The following ZDHHC4 variants were observed in gnomAD, a reference collection of about 807,000 sequenced individuals.
The protein encoded by ZDHHC4 is palmitoyltransferase ZDHHC4.
A neutral mutation model predicts 36.7 loss-of-function variants in ZDHHC4; 42 were observed. The observed-to-expected ratio is 1.14, with a 90% CI of 0.89 to 1.48. ZDHHC4 has a LOEUF of 1.48. ZDHHC4 is among the 40% of genes most tolerant of loss of function. The pLI is 0.00. For synonymous variants in ZDHHC4, 189 were observed against 166.6 expected, an observed-to-expected ratio of 1.13 and a Z score of -1.03; for missense variants, 457 against 421.5, an observed-to-expected ratio of 1.08 and a Z score of -0.74.
In ZDHHC4 at chr7:6,589,186, G is replaced by T; in HGVS notation, c.*276G>T. The T allele has an allele frequency of 2.3e-6, 1 of 431,054 alleles. No homozygotes were observed. The allele number at this position is 431,054 out of a possible 1,614,324, so 26.7% of individuals were successfully genotyped here. On this transcript the variant is annotated 3_prime_UTR_variant, in exon 8 of 8. Coordinates refer to ENST00000335965, the MANE Select transcript of ZDHHC4 (RefSeq NM_001134389.2). ...TGAGACCTTGGTGTCTCTAAACTCT[G>T]GGCATGTGGACAGGAGGGGCTTGCG...
At chr7:6,586,224 G>T (rs1385247824) in intron 7 of ZDHHC4, among the ~76,000 whole-genome samples, 1 of 151,768 alleles carries the variant, frequency 6.6e-6, no homozygotes, top group East Asian at 1.9e-4. Flanking sequence ...AGTGGTATAA[G>T]TATATTCACA....
In ZDHHC4 at chr7:6,582,229, C is replaced by G. The variant is rs954158780; in HGVS notation, c.348C>G (p.Thr116=). 1.2e-6 allele frequency: 2 copies of G among 1,613,796 alleles called. No individual in the cohort carries two copies. Among genetic ancestry groups the G allele is most frequent in the African/African-American group, 1.3e-5 (1 of 74,882 alleles). ...LLLGVNLFFF[T]LTCGTNPGII... is the part of the protein sequence containing the mutation. ...TAGGTGTAAACCTGTTTTTTTTCACCCTGACTTGTGGAACCAATCCTGGTA... is the reference window on the plus strand; with the variant it reads ...TAGGTGTAAACCTGTTTTTTTTCACGCTGACTTGTGGAACCAATCCTGGTA... The change falls in exon 5 of 8, where the codon ACC becomes ACG. Residue 116 remains threonine (T), a synonymous_variant. Transcript: ENST00000335965.
In ZDHHC4 at chr7:6,588,994, T is replaced by G; in HGVS notation, c.*84T>G. On this transcript the variant is annotated 3_prime_UTR_variant, in exon 8 of 8. Coordinates refer to ENST00000335965, the MANE Select transcript of ZDHHC4 (RefSeq NM_001134389.2). Reference sequence around the variant, plus strand: ...TTTTCCAAGCATGGCTTGTTTGTTTTGATTTCTGCTGTGCTTATAAATCAC... The same window carrying G: ...TTTTCCAAGCATGGCTTGTTTGTTTGGATTTCTGCTGTGCTTATAAATCAC... The G allele has an allele frequency of 6.7e-7, 1 of 1,503,652 alleles. No homozygotes were observed. The highest frequency in any genetic ancestry group is 9.0e-7 in the Non-Finnish European group (1 of 1,108,206). The allele number at this position is 1,503,652 out of a possible 1,614,324, so 93.1% of individuals were successfully genotyped here.
chr7:6,586,810 C>T lies in ZDHHC4; in HGVS notation c.741+1550C>T, dbSNP rs12538639. ...TCTTTTTTATGGCTGAATAGTATTC[C>T]GCTGTATGGATAGACTGAATTTTAA... On this transcript the variant is annotated intron_variant, in intron 7 of 7. Coordinates refer to ENST00000335965, the MANE Select transcript of ZDHHC4 (RefSeq NM_001134389.2). 3.1e-3 allele frequency among the ~76,000 whole-genome samples: 467 copies of T among 151,936 alleles called. 6 individuals carry two copies. The South Asian group carries it at 0.037, about 12-fold the overall frequency.
intron 3 of ZDHHC4, chr7:6,580,963 C>A: frequency 2.5e-6 from 1 of 395,560 alleles, no homozygotes; most frequent in Non-Finnish European, 4.6e-6. Flanking sequence ...GGATTTAGTT[C>A]GTTGATGGCA....
Position 6,580,642 on chromosome 7 carries a change from C to G in ZDHHC4, c.81C>G (p.Thr27=), listed in dbSNP as rs1294654317. Residue 27 remains threonine, a synonymous_variant, in exon 3 of 8, where the codon ACC becomes ACG. Coordinates refer to ENST00000335965, the MANE Select transcript of ZDHHC4 (RefSeq NM_001134389.2). ...GLVLICVCSK[T]HSLKGLARGG... is the part of the protein sequence containing the mutation. Reference sequence around the variant, plus strand: ...TTCTTATCTGCGTCTGCTCGAAAACCCATAGCTTGAAAGGCCTGGCCAGGG... The same window carrying G: ...TTCTTATCTGCGTCTGCTCGAAAACGCATAGCTTGAAAGGCCTGGCCAGGG... The G allele has an allele frequency of 6.2e-7, 1 of 1,614,076 alleles. No homozygotes were observed. The highest frequency in any genetic ancestry group is 1.1e-5 in the South Asian group (1 of 91,078).
chr7:6,583,777 C>G, intron 6 of ZDHHC4: 1 of 180,500 alleles, frequency 5.5e-6, no homozygotes, highest in Non-Finnish European at 1.1e-5. Context: ...CCCGTGCTGT[C>G]TAACAAAAAT....
At chr7:6,581,992 G>A (rs1780883229) in intron 4 of ZDHHC4, 81 bp from the exon 5 acceptor site, 1 of 1,393,774 alleles carries the variant, frequency 7.2e-7, no homozygotes, top group Non-Finnish European at 9.8e-7. Flanking sequence ...GAAGTGGTTG[G>A]CCGTTGGTTA....
chr7:6,581,522 C>T, intron 3 of ZDHHC4, 85 bp from the exon 4 acceptor site: 2 of 1,008,940 alleles, frequency 2.0e-6, no homozygotes, highest in Non-Finnish European at 3.1e-6. Flanking sequence ...ACCCAGATTG[C>T]CAGCTGTATG....
intron 7 of ZDHHC4, among the ~76,000 whole-genome samples, chr7:6,588,384 C>T (rs1253313681): frequency 6.6e-6 from 1 of 152,188 alleles, no homozygotes; most frequent in Non-Finnish European, 1.5e-5. Flanking sequence ...TAAACTTTCC[C>T]TTTTCCTTCA....
chr7:6,585,355 G>A lies in ZDHHC4; in HGVS notation c.741+95G>A, dbSNP rs1225170045. On this transcript the variant is annotated intron_variant, in intron 7 of 7. Transcript: ENST00000335965. ...AGCATGAAGTTAGGTGGGGTGTGGT[G>A]GCTCACGCCTATAATCCCAGCACTT... is the stretch of plus-strand genomic sequence containing the variant. The A allele has an allele frequency of 2.7e-6, 4 of 1,507,010 alleles. No homozygotes were observed. In the Admixed American group the frequency reaches 5.9e-5, roughly 22 times the overall value. The allele number at this position is 1,507,010 out of a possible 1,614,324, so 93.4% of individuals were successfully genotyped here. A position where few individuals can be genotyped will look rare whatever the true frequency, so the allele number is the denominator to read the frequency against.
At position 6,588,976 on chromosome 7, in the gene ZDHHC4, A is replaced by T. The variant is rs1191610109; in HGVS notation, c.*66A>T. The T allele has an allele frequency of 5.2e-6, 8 of 1,542,236 alleles. No homozygotes were observed. The highest frequency in any genetic ancestry group is 1.4e-5 in the African/African-American group (1 of 72,952). ...TACACATGTGGATCCTCGTTTTCCA[A>T]GCATGGCTTGTTTGTTTTGATTTCT... On this transcript the variant is annotated 3_prime_UTR_variant, in exon 8 of 8. Transcript: ENST00000335965.
intron 3 of ZDHHC4, 91 bp from the exon 4 acceptor site, chr7:6,581,516 A>G: frequency 1.1e-6 from 1 of 946,234 alleles, no homozygotes; most frequent in Non-Finnish European, 1.7e-6. Flanking sequence ...ACTATCACCC[A>G]GATTGCCAGC....
Position 6,581,626 on chromosome 7 carries a change from C to T in ZDHHC4, c.137C>T (p.Pro46Leu), listed in dbSNP as rs750011746. ...TTTCAGATATTTTCCTGTATAATTC[C>T]AGAATGTCTTCAGAGAGCCGTGCAT... The part of the protein sequence containing the change: ...GGAQIFSCII[P>L]ECLQRAVHGL... Residue 46 changes from proline (P) to leucine (L), a missense_variant, in exon 4 of 8, where the codon CCA (proline) becomes CTA (leucine). By Grantham distance (98) the Pro-to-Leu change is moderately conservative. Transcript: ENST00000335965. 1 of 1,611,344 alleles carries T rather than the reference C, an allele frequency of 6.2e-7. No homozygotes were observed. The highest frequency in any genetic ancestry group is 1.1e-5 in the South Asian group (1 of 90,874).
intron 6 of ZDHHC4, chr7:6,584,381 A>AG (rs906881251): frequency 6.6e-6 from 1 of 152,318 alleles, no homozygotes; most frequent in Non-Finnish European, 1.5e-5. Flanking sequence ...TATTCTTAAA[A>AG]GTTTTCCAAT....
chr7:6,589,197 C>A lies in ZDHHC4; in HGVS notation c.*287C>A. 1 of 409,316 alleles carries A rather than the reference C, an allele frequency of 2.4e-6. No individual in the cohort carries two copies. The highest frequency in any genetic ancestry group is 4.8e-5 in the East Asian group (1 of 20,754). 25.4% of individuals were successfully genotyped at this position (409,316 alleles called of 1,614,324 possible). A position where few individuals can be genotyped will look rare whatever the true frequency, so the allele number is the denominator to read the frequency against. On this transcript the variant is annotated 3_prime_UTR_variant, in exon 8 of 8. Coordinates refer to ENST00000335965, the MANE Select transcript of ZDHHC4 (RefSeq NM_001134389.2). The stretch of plus-strand genomic sequence containing the variant: ...TGTCTCTAAACTCTGGGCATGTGGA[C>A]AGGAGGGGCTTGCGGCCGTGTCTCT...
In ZDHHC4 at chr7:6,577,502, A is replaced by G. The variant is rs936477229; in HGVS notation, c.-163+4A>G. On this transcript the variant is annotated splice_donor_region_variant and intron_variant, in intron 1 of 7. Coordinates refer to ENST00000335965, the MANE Select transcript of ZDHHC4 (RefSeq NM_001134389.2). ...CGCCGGAGCCCAGCGGCTGGCGGTA[A>G]GGCCGCCTCCGCGGGGCTGTGGGAA... 6.6e-6 allele frequency: 1 copy of G among 152,226 alleles called. No homozygotes were observed. Among genetic ancestry groups the G allele is most frequent in the Non-Finnish European group, 1.5e-5 (1 of 68,050 alleles). 9.4% of individuals were successfully genotyped at this position (152,226 alleles called of 1,614,324 possible). A position where few individuals can be genotyped will look rare whatever the true frequency, so the allele number is the denominator to read the frequency against.
At chr7:6,582,326 G>C in intron 5 of ZDHHC4, 75 bp downstream of exon 5, 1 of 1,345,776 alleles carries the variant, frequency 7.4e-7, no homozygotes, top group Admixed American at 2.1e-5. Context: ...ACAAGGAGAG[G>C]CCCCCCCTGA....
intron 3 of ZDHHC4, 30 bp from the exon 4 acceptor site, chr7:6,581,577 A>G: frequency 6.4e-7 from 1 of 1,552,636 alleles, no homozygotes; most frequent in Non-Finnish European, 8.9e-7. Flanking sequence ...GAGAAATGAA[A>G]TTGAGTCTTT....
Sources: allele counts gnomAD v4.1 joint callset (sites outside exome capture counted in the v4.1 genomes callset), GRCh38; gene constraint gnomAD v4.1.1; transcripts MANE v1.5; gene names NCBI Gene and HGNC (gene_info 2026-07-23, HGNC 2026-07-21).